Variants in SVEP1 observed in about 807,000 individuals in gnomAD.
The protein encoded by SVEP1 is sushi, von Willebrand factor type A, EGF and pentraxin domain-containing protein 1.
Under a neutral mutation model 367.3 loss-of-function variants are expected in SVEP1, and 164 were observed. The observed-to-expected ratio is 0.45, with a 90% CI of 0.39 to 0.51. SVEP1 has a LOEUF of 0.51. Ranked by LOEUF, SVEP1 falls within the 20% of genes least tolerant of loss-of-function variation. SVEP1 has a pLI of 0.00. For synonymous variants in SVEP1, 1,666 were observed against 1,611.6 expected, an observed-to-expected ratio of 1.03 and a Z score of -0.81; for missense variants, 4,117 against 4,425.3, an observed-to-expected ratio of 0.93 and a Z score of 1.98.
At chr9:110,396,936 C>T (rs1458459665) in intron 40 of SVEP1, among the ~76,000 whole-genome samples, 1 of 151,778 alleles carries the variant, frequency 6.6e-6, no homozygotes, top group Non-Finnish European at 1.5e-5. Context: ...TGGTACCATT[C>T]CTTCTGAAAC....
chr9:110,417,140 G>A (rs537635371), intron 36 of SVEP1, among the ~76,000 whole-genome samples: 6 of 151,776 alleles, frequency 4.0e-5, no homozygotes, highest in South Asian at 2.1e-4. Flanking sequence ...GAACAGCTCC[G>A]GTCTACAGCT....
At chr9:110,523,638 T>C (rs1829905505) in intron 3 of SVEP1, among the ~76,000 whole-genome samples, 1 of 151,898 alleles carries the variant, frequency 6.6e-6, no homozygotes, top group Non-Finnish European at 1.5e-5. Flanking sequence ...CAAAGTAAAA[T>C]TATAGAAAAA....
At chr9:110,366,812 T>C (rs895049560) in intron 47 of SVEP1, among the ~76,000 whole-genome samples, 3 of 152,220 alleles carry the variant, frequency 2.0e-5, no homozygotes, top group African/African-American at 7.2e-5. Flanking sequence ...TAGTTTTCTA[T>C]CTATCTTACA....
intron 26 of SVEP1, among the ~76,000 whole-genome samples, chr9:110,444,284 A>C (rs1421277162): frequency 6.6e-6 from 1 of 152,168 alleles, no homozygotes; most frequent in African/African-American, 2.4e-5. Context: ...TAGGTCATGA[A>C]GGCTCTGAAG....
intron 40 of SVEP1, among the ~76,000 whole-genome samples, chr9:110,390,008 C>T (rs1466562697): frequency 9.5e-6 from 1 of 104,750 alleles, no homozygotes. Flanking sequence ...GATGTATACA[C>T]ATAAGTGTGT....
intron 27 of SVEP1, among the ~76,000 whole-genome samples, chr9:110,440,439 T>C (rs931469597): frequency 6.6e-6 from 1 of 152,198 alleles, no homozygotes; most frequent in Non-Finnish European, 1.5e-5. Flanking sequence ...TTTATGAAGC[T>C]ACCAATAATG....
intron 23 of SVEP1, 27 bp from the exon 24 acceptor site, chr9:110,450,287 G>C (rs1356898549): frequency 2.4e-5 from 39 of 1,609,256 alleles, no homozygotes; most frequent in Non-Finnish European, 3.2e-5. Context: ...AAGAGAAACA[G>C]CCCAAATGAT....
At chr9:110,460,528 G>A (rs534181705) in intron 18 of SVEP1, among the ~76,000 whole-genome samples, 4 of 152,142 alleles carry the variant, frequency 2.6e-5, no homozygotes, top group African/African-American at 7.2e-5. Flanking sequence ...TGAGGTGGGC[G>A]AATCACTTGA....
At chr9:110,476,168 G>C in intron 14 of SVEP1, 36 bp downstream of exon 14, 2 of 1,330,724 alleles carry the variant, frequency 1.5e-6, no homozygotes, top group Non-Finnish European at 2.2e-6. Context: ...TTGCAGATTA[G>C]TCTTGCCAAC....
intron 34 of SVEP1, among the ~76,000 whole-genome samples, 188 bp downstream of exon 34, chr9:110,429,732 T>G (rs537908741): frequency 6.6e-6 from 1 of 152,294 alleles, no homozygotes; most frequent in East Asian, 1.9e-4. Context: ...GATTTAAGGA[T>G]TCTAGATATA....
intron 3 of SVEP1, among the ~76,000 whole-genome samples, chr9:110,535,043 TTTGCTTTTGTTGAAA>T (rs1402221164): frequency 3.9e-5 from 6 of 152,188 alleles, no homozygotes; most frequent in Admixed American, 3.9e-4. Context: ...TTTGACAGTT[TTTGCTTTTGTTGAAA>T]TTGCTTTTGG....
intron 5 of SVEP1, among the ~76,000 whole-genome samples, chr9:110,508,716 G>T (rs1470257740): frequency 1.5e-5 from 2 of 136,278 alleles, no homozygotes; most frequent in Non-Finnish European, 3.0e-5. Flanking sequence ...AGCCGAGATC[G>T]TGCCACTGCA....
At chr9:110,450,434 A>AT (rs973528566) in intron 23 of SVEP1, among the ~76,000 whole-genome samples, 174 bp from the exon 24 acceptor site, 2 of 127,222 alleles carry the variant, frequency 1.6e-5, no homozygotes, top group East Asian at 2.4e-4. Context: ...TTTGTAAGTC[A>AT]TTTTTTTGTG....
intron 39 of SVEP1, among the ~76,000 whole-genome samples, chr9:110,403,267 A>G (rs1399056638): frequency 7.7e-6 from 1 of 130,024 alleles, no homozygotes; most frequent in Non-Finnish European, 1.6e-5. Context: ...TCTGCTGTCT[A>G]CGGTGATGAT....
In SVEP1 at chr9:110,466,604, CA is replaced by C. The variant is rs1272177044; in HGVS notation, c.3161-579del. On this transcript the variant is annotated intron_variant, in intron 17 of 47. Transcript: ENST00000374469. ...AAACCCCGTCTCTACTAAAAAAATA[CA>C]AAAAAATTAGCCGGGCGTAGTGGCG... 8.0e-5 allele frequency among the ~76,000 whole-genome samples: 12 copies of C among 150,670 alleles called. No homozygotes were observed. The East Asian group carries it at 2.0e-3, about 25-fold the overall frequency.
chr9:110,379,284 C>G, intron 44 of SVEP1, 63 bp downstream of exon 44: 1 of 1,549,218 alleles, frequency 6.5e-7, no homozygotes, highest in South Asian at 1.2e-5. Context: ...CTGGACAAAT[C>G]AGATTTCTAT....
intron 29 of SVEP1, 22 bp from the exon 30 acceptor site, chr9:110,434,528 G>A (rs752270218): frequency 2.5e-6 from 4 of 1,607,706 alleles, no homozygotes; most frequent in Admixed American, 3.3e-5. Context: ...GAACACAGGT[G>A]CAGAGCTTGT....
chr9:110,544,832 G>A (rs776606943), intron 3 of SVEP1, among the ~76,000 whole-genome samples: 2 of 118,846 alleles, frequency 1.7e-5, no homozygotes, highest in Admixed American at 7.7e-5. Flanking sequence ...GTTAACTATA[G>A]TCACCCTACA....
intron 10 of SVEP1, among the ~76,000 whole-genome samples, chr9:110,483,254 T>A (rs1191529591): frequency 1.3e-5 from 2 of 152,200 alleles, no homozygotes; most frequent in Admixed American, 6.5e-5. Context: ...AGATGTGCAG[T>A]AGAGATGCCG....
Sources: allele counts gnomAD v4.1 joint callset (sites outside exome capture counted in the v4.1 genomes callset), GRCh38; gene constraint gnomAD v4.1.1; transcripts MANE v1.5; gene names NCBI Gene and HGNC (gene_info 2026-07-23, HGNC 2026-07-21).